Variants in BICD1 observed in about 807,000 individuals in gnomAD.
BICD1 encodes protein bicaudal D homolog 1.
Under a neutral mutation model 92.5 loss-of-function variants are expected in BICD1, and 35 were observed. That is an observed-to-expected ratio of 0.38 (90% CI 0.29 to 0.50). The LOEUF (loss-of-function observed/expected upper bound fraction) is 0.50, where lower values mean the gene tolerates loss of function less well. BICD1 is among the 20% of genes least tolerant of loss of function. The pLI, the probability that BICD1 is intolerant of heterozygous loss-of-function variation, is 0.93. For missense variants in BICD1, 950 were observed against 1,189.8 expected, an observed-to-expected ratio of 0.80 and a Z score of 2.97; for synonymous variants, 429 against 465.1, an observed-to-expected ratio of 0.92 and a Z score of 1.00.
intron 1 of BICD1, among the ~76,000 whole-genome samples, chr12:32,122,239 AATCGAGACCATCCTAACACAG>A (rs1942180326): frequency 2.0e-5 from 3 of 151,864 alleles, no homozygotes; most frequent in South Asian, 4.2e-4. Flanking sequence ...GAGGTCAGGA[AATCGAGACCATCCTAACACAG>A]ATCGAGACCA....
rs1565529123 is a variant in BICD1 at position 32,120,897 on chromosome 12, A to AG, written c.213+13353_213+13354insG. On this transcript the variant is annotated intron_variant, in intron 1 of 9. Transcript: ENST00000652176. ...AGAGAGAGAGAGAGAGAGAGAGAGA[A>AG]AAAAAAAAGGAAAAAATATAATGTG... is the stretch of plus-strand genomic sequence containing the variant. Among the ~76,000 whole-genome samples, 17 of 82,178 alleles carry AG rather than the reference A, an allele frequency of 2.1e-4. No individual in the cohort carries two copies. In the East Asian group the frequency reaches 3.0e-3, roughly 14 times the overall value. 53.9% of individuals were successfully genotyped at this position (82,178 alleles called of 152,430 possible). A position where few individuals can be genotyped will look rare whatever the true frequency, so the allele number is the denominator to read the frequency against.
At position 32,302,087 on chromosome 12, in the gene BICD1, T is replaced by A. The variant is rs1049562140; in HGVS notation, c.580-3610T>A. Among the ~76,000 whole-genome samples the A allele has an allele frequency of 3.3e-5, 5 of 152,122 alleles. No individual in the cohort carries two copies. The South Asian group carries it at 1.0e-3, about 32-fold the overall frequency. ...ATTTTTAGTAGAGACGGGGTTTCAC[T>A]GTGTTAGCTAGGATGGTCTTGATCT... On this transcript the variant is annotated intron_variant, in intron 3 of 9. Coordinates refer to ENST00000652176, the MANE Select transcript of BICD1 (RefSeq NM_001714.4).
chr12:32,197,129 CT>C (rs1214580938), intron 1 of BICD1, among the ~76,000 whole-genome samples: 1 of 152,050 alleles, frequency 6.6e-6, no homozygotes, highest in Non-Finnish European at 1.5e-5. Flanking sequence ...ATGCCTCAGC[CT>C]CCGGAGTAGC....
chr12:32,155,012 C>CT (rs1475922533), intron 1 of BICD1, among the ~76,000 whole-genome samples: 17 of 137,584 alleles, frequency 1.2e-4, no homozygotes, highest in Non-Finnish European at 2.0e-4. Flanking sequence ...AACCTTTTTG[C>CT]TTTTTTTACT....
chr12:32,247,073 A>G (rs191479213), intron 2 of BICD1, among the ~76,000 whole-genome samples: 42 of 152,104 alleles, frequency 2.8e-4, no homozygotes, highest in African/African-American at 1.0e-3. Context: ...CCTGGGCAAC[A>G]CAGCAAAACC....
intron 3 of BICD1, among the ~76,000 whole-genome samples, chr12:32,301,105 A>G (rs1011006980): frequency 5.9e-5 from 9 of 152,084 alleles, no homozygotes; most frequent in African/African-American, 1.9e-4. Context: ...TCTGATTTCC[A>G]TACTCCTTCA....
chr12:32,173,823 G>T (rs572776987), intron 1 of BICD1, among the ~76,000 whole-genome samples: 17 of 152,130 alleles, frequency 1.1e-4, no homozygotes, highest in African/African-American at 3.9e-4. Context: ...GTATATTTTT[G>T]GAATTCAGTC....
intron 2 of BICD1, among the ~76,000 whole-genome samples, chr12:32,282,625 T>C (rs1330531260): frequency 2.6e-5 from 4 of 151,954 alleles, no homozygotes; most frequent in Middle Eastern, 3.4e-3. Flanking sequence ...CTGGATGAGG[T>C]TGCCTTTGGG....
At chr12:32,287,548 T>G (rs1363550314) in intron 2 of BICD1, among the ~76,000 whole-genome samples, 4 of 146,494 alleles carry the variant, frequency 2.7e-5, no homozygotes, top group Non-Finnish European at 6.1e-5. Flanking sequence ...TTTTTGTTTT[T>G]TTTTTTGAGA....
intron 2 of BICD1, among the ~76,000 whole-genome samples, chr12:32,273,159 G>A (rs1051896693): frequency 2.0e-4 from 30 of 152,304 alleles, no homozygotes; most frequent in Middle Eastern, 3.4e-3. Context: ...CATCATGAGT[G>A]TGCAAGACGT....
At chr12:32,198,323 C>CACATATATATATATAT (rs1944786841) in intron 1 of BICD1, among the ~76,000 whole-genome samples, 2 of 87,920 alleles carry the variant, frequency 2.3e-5, no homozygotes, top group East Asian at 3.6e-4. Flanking sequence ...GAATAATATG[C>CACATATATATATATAT]ATCTATCTAT....
intron 3 of BICD1, among the ~76,000 whole-genome samples, chr12:32,299,945 C>T (rs7970425): frequency 0.14 from 21,533 of 152,094 alleles, 2,097 homozygotes; most frequent in African/African-American, 0.27. Context: ...TAGTAAGTAT[C>T]TTAGGTTTCA....
intron 1 of BICD1, among the ~76,000 whole-genome samples, chr12:32,209,701 T>G (rs565252640): frequency 6.6e-6 from 1 of 151,980 alleles, no homozygotes; most frequent in Non-Finnish European, 1.5e-5. Flanking sequence ...GCAACACTTA[T>G]ATCTAAGCTT....
intron 8 of BICD1, chr12:32,340,014 T>C (rs1938303345): frequency 4.4e-6 from 4 of 906,288 alleles, no homozygotes; most frequent in Non-Finnish European, 5.3e-6. Flanking sequence ...TTATTACTTA[T>C]ACCCAGCCTG....
At chr12:32,317,769 G>A (rs927675019) in intron 4 of BICD1, among the ~76,000 whole-genome samples, 6 of 152,080 alleles carry the variant, frequency 3.9e-5, no homozygotes, top group African/African-American at 9.7e-5. Context: ...TGGTGTTTTA[G>A]ACATGAAGTC....
intron 2 of BICD1, among the ~76,000 whole-genome samples, chr12:32,223,551 C>A (rs1400551016): frequency 6.6e-6 from 1 of 151,392 alleles, no homozygotes; most frequent in East Asian, 1.9e-4. Flanking sequence ...CAAAGAGAGC[C>A]CTTGCTCTGG....
At chr12:32,212,500 C>T (rs748848035) in intron 1 of BICD1, among the ~76,000 whole-genome samples, 7 of 152,214 alleles carry the variant, frequency 4.6e-5, no homozygotes, top group Non-Finnish European at 8.8e-5. Context: ...TCTCGGCTCA[C>T]TGCAACCTCC....
At chr12:32,230,474 G>T (rs2121576416) in intron 2 of BICD1, among the ~76,000 whole-genome samples, 1 of 151,988 alleles carries the variant, frequency 6.6e-6, no homozygotes, top group African/African-American at 2.4e-5. Context: ...AGGAATTCAA[G>T]AATTGAGATC....
intron 1 of BICD1, among the ~76,000 whole-genome samples, chr12:32,147,422 A>C (rs1943148191): frequency 6.6e-6 from 1 of 152,158 alleles, no homozygotes; most frequent in Non-Finnish European, 1.5e-5. Flanking sequence ...CTTAGCCGTC[A>C]TTTTGGATAT....
Sources: gnomAD v4.1 joint callset for allele counts (sites outside exome capture counted in the v4.1 genomes callset) on GRCh38, gnomAD v4.1.1 for gene constraint, MANE v1.5 for transcripts, NCBI Gene and HGNC (gene_info 2026-07-23, HGNC 2026-07-21) for gene names.